Variants in TRIO observed in about 807,000 individuals in gnomAD.
The protein encoded by TRIO is triple functional domain protein.
Under a neutral mutation model 351.9 loss-of-function variants are expected in TRIO, and 58 were observed. The ratio of observed to expected loss-of-function variants is 0.16; its 90% CI spans 0.13 to 0.21. The LOEUF (loss-of-function observed/expected upper bound fraction) is 0.21, where lower values mean the gene tolerates loss of function less well. Ranked by LOEUF, TRIO falls within the 10% of genes least tolerant of loss-of-function variation. The pLI, the probability that TRIO is intolerant of heterozygous loss-of-function variation, is 1.00. For missense variants in TRIO, 3,201 were observed against 4,027.8 expected (o/e 0.79, Z 5.56); for synonymous variants, 1,758 against 1,595.7 (o/e 1.10, Z -2.42).
rs1275421945 is a variant in TRIO at position 14,421,216 on chromosome 5, ATTAT to A, written c.5203+1210_5203+1213del. On this transcript the variant is annotated intron_variant, in intron 34 of 56. Coordinates refer to ENST00000344204, the MANE Select transcript of TRIO (RefSeq NM_007118.4). ...ATTTTTTTCTTTTTTCCCTTATTTA[ATTAT>A]TTATTTATTTATTTTATTTTATTTT... Among the ~76,000 whole-genome samples the A allele has an allele frequency of 2.6e-4, 35 of 135,948 alleles. No homozygotes were observed. The East Asian group carries it at 4.7e-3, about 18-fold the overall frequency. The allele number at this position is 135,948 out of a possible 152,430, so 89.2% of individuals were successfully genotyped here. A position where few individuals can be genotyped will look rare whatever the true frequency, so the allele number is the denominator to read the frequency against.
chr5:14,224,335 A>G (rs1378117428), intron 1 of TRIO, among the ~76,000 whole-genome samples: 1 of 152,108 alleles, frequency 6.6e-6, no homozygotes, highest in Non-Finnish European at 1.5e-5. Flanking sequence ...ATAGTTTACA[A>G]TATAAGTTAT....
intron 11 of TRIO, among the ~76,000 whole-genome samples, chr5:14,355,349 C>T (rs540521546): frequency 2.0e-5 from 3 of 152,360 alleles, no homozygotes; most frequent in African/African-American, 7.2e-5. Flanking sequence ...TTAAGTCCAT[C>T]CTTATAACCA....
rs1756148439 is a variant in TRIO at position 14,488,129 on chromosome 5, A to C, written c.7501A>C (p.Thr2501Pro). Reference protein sequence around the residue: ...ASPASRPGSFTFPGDSDSLQR... With the variant: ...ASPASRPGSFPFPGDSDSLQR... Reference sequence around the variant, plus strand: ...CCCCGCCAGCCGACCCGGCTCCTTCACCTTCCCGGGGGACAGCGACTCCCT... The same window carrying C: ...CCCCGCCAGCCGACCCGGCTCCTTCCCCTTCCCGGGGGACAGCGACTCCCT... The change falls in exon 48 of 57, where the codon ACC becomes CCC. Residue 2501 changes from threonine to proline, a missense_variant. By Grantham distance (38) the Thr-to-Pro change is conservative. Transcript: ENST00000344204. 1.2e-6 allele frequency: 2 copies of C among 1,606,138 alleles called. No individual in the cohort carries two copies. Among genetic ancestry groups the C allele is most frequent in the East Asian group, 2.2e-5 (1 of 44,736 alleles).
Position 14,291,119 on chromosome 5 carries a change from T to A in TRIO, c.944T>A (p.Leu315Gln). The change falls in exon 5 of 57, where the codon CTG (leucine) becomes CAG (glutamine). Residue 315 changes from leucine to glutamine, a missense_variant. Transcript: ENST00000344204. ...CTCTTGCCCAAGGTGTCCACCATGC[T>A]GGACCGGCTGCACTCGACACGGCAG... ...QNLLPKVSTM[L>Q]DRLHSTRQHL... The A allele has an allele frequency of 6.2e-7, 1 of 1,614,186 alleles. No homozygotes were observed. Among genetic ancestry groups the A allele is most frequent in the Non-Finnish European group, 8.5e-7 (1 of 1,180,030 alleles).
chr5:14,420,198 A>G (rs1318044246), intron 34 of TRIO, 177 bp downstream of exon 34: 1 of 945,088 alleles, frequency 1.1e-6, no homozygotes, highest in Non-Finnish European at 1.5e-6. Flanking sequence ...AGAGGAAATG[A>G]GGATTTCACC....
chr5:14,421,230 T>TATTTA lies in TRIO; in HGVS notation c.5203+1213_5203+1214insAATTT, dbSNP rs1231748036. 5.6e-4 allele frequency among the ~76,000 whole-genome samples: 33 copies of TATTTA among 59,350 alleles called. No individual in the cohort carries two copies. The East Asian group carries it at 7.4e-3, about 13-fold the overall frequency. 38.9% of individuals were successfully genotyped at this position (59,350 alleles called of 152,430 possible). On this transcript the variant is annotated intron_variant, in intron 34 of 56. Transcript: ENST00000344204. ...TCCCTTATTTAATTATTTATTTATTTATTTTATTTTATTTTATTTTATTTT... is the reference window on the plus strand; with the variant it reads ...TCCCTTATTTAATTATTTATTTATTTATTTAATTTTATTTTATTTTATTTTATTTT...
At chr5:14,384,735 A>C (rs978677206) in intron 21 of TRIO, among the ~76,000 whole-genome samples, 7 of 152,240 alleles carry the variant, frequency 4.6e-5, no homozygotes, top group African/African-American at 1.7e-4. Flanking sequence ...TCTAAATGAC[A>C]CAAAATCCAA....
chr5:14,337,742 C>T (rs1410510707), intron 11 of TRIO, among the ~76,000 whole-genome samples: 2 of 152,182 alleles, frequency 1.3e-5, no homozygotes, highest in African/African-American at 4.8e-5. Context: ...AGTCCTCAGT[C>T]GGGTCATTTG....
intron 47 of TRIO, among the ~76,000 whole-genome samples, chr5:14,486,865 T>C (rs1755953756): frequency 6.6e-6 from 1 of 152,126 alleles, no homozygotes; most frequent in Non-Finnish European, 1.5e-5. Flanking sequence ...GCTGGGGGGC[T>C]GCATCTGCTT....
At chr5:14,398,778 A>G in intron 29 of TRIO, 102 bp from the exon 30 acceptor site, 2 of 1,149,344 alleles carry the variant, frequency 1.7e-6, no homozygotes, top group Non-Finnish European at 2.4e-6. Flanking sequence ...GGGTTGGCCG[A>G]TGGGCATTTT....
chr5:14,252,230 TGATA>T (rs1794787083), intron 1 of TRIO, among the ~76,000 whole-genome samples: 2 of 152,246 alleles, frequency 1.3e-5, no homozygotes, highest in South Asian at 4.1e-4. Flanking sequence ...CCATGTCTGT[TGATA>T]GATCCAGTTG....
chr5:14,348,786 T>TTA (rs575930912), intron 11 of TRIO, among the ~76,000 whole-genome samples: 8 of 140,006 alleles, frequency 5.7e-5, no homozygotes, highest in Admixed American at 5.0e-4. Flanking sequence ...TCCTGCATGT[T>TTA]TGTGTGTGTA....
At chr5:14,356,450 G>C (rs900655753) in intron 11 of TRIO, among the ~76,000 whole-genome samples, 3 of 152,182 alleles carry the variant, frequency 2.0e-5, no homozygotes, top group African/African-American at 7.2e-5. Flanking sequence ...ATTTAGAATG[G>C]CTTAAGTTAA....
Position 14,366,916 on chromosome 5 carries a change from C to G in TRIO, c.2811C>G (p.Ala937=), listed in dbSNP as rs143042118. ...TGTTAAATGCCGGACTTATCACAGC[C>G]AGCTCGTTACAAGAGGCAGAGCAGC... ...ESMLNAGLIT[A]SSLQEAEQLQ... The change falls in exon 16 of 57, where the codon GCC becomes GCG. Residue 937 remains alanine (A), a synonymous_variant. Transcript: ENST00000344204. The G allele has an allele frequency of 9.1e-4, 1,468 of 1,614,176 alleles. 14 individuals are homozygous for G. The African/African-American group carries it at 0.017, about 19-fold the overall frequency.
At chr5:14,491,979 C>T (rs1213184183) in intron 48 of TRIO, among the ~76,000 whole-genome samples, 5 of 152,128 alleles carry the variant, frequency 3.3e-5, no homozygotes, top group Non-Finnish European at 5.9e-5. Context: ...GAATAGTGAT[C>T]GATTTACGTT....
chr5:14,481,194 C>G (rs373870431), intron 43 of TRIO, 40 bp from the exon 44 acceptor site: 13 of 1,590,492 alleles, frequency 8.2e-6, no homozygotes, highest in Non-Finnish European at 1.1e-5. Flanking sequence ...CTGCTGTTGT[C>G]TTTGTCACCA....
rs769971831 is a variant in TRIO at position 14,465,530 on chromosome 5, T to G, written c.5668-15T>G. The G allele has an allele frequency of 6.2e-6, 10 of 1,614,026 alleles. No individual in the cohort carries two copies. Among genetic ancestry groups the G allele is most frequent in the Non-Finnish European group, 8.5e-6 (10 of 1,179,920 alleles). On this transcript the variant is annotated splice_polypyrimidine_tract_variant and intron_variant, in intron 36 of 56. Transcript: ENST00000344204. ...CCCTTGCCCCACCCCCTCCTTTTCT[T>G]AATTTCTTCTGTAGGCCTCTTCTCG...
At chr5:14,213,311 G>T (rs1408073958) in intron 1 of TRIO, among the ~76,000 whole-genome samples, 3 of 149,878 alleles carry the variant, frequency 2.0e-5, no homozygotes, top group South Asian at 4.2e-4. Flanking sequence ...ACTAATATTG[G>T]TATATATAAA....
At chr5:14,464,897 C>T (rs1754136903) in intron 36 of TRIO, among the ~76,000 whole-genome samples, 1 of 152,092 alleles carries the variant, frequency 6.6e-6, no homozygotes, top group African/African-American at 2.4e-5. Flanking sequence ...CCTGTCAACC[C>T]CTTTACGCCC....
Sources: gnomAD v4.1 joint callset for allele counts (sites outside exome capture counted in the v4.1 genomes callset) on GRCh38, gnomAD v4.1.1 for gene constraint, MANE v1.5 for transcripts, NCBI Gene and HGNC (gene_info 2026-07-23, HGNC 2026-07-21) for gene names.